Variants in USP6NL observed in about 807,000 individuals in gnomAD.
USP6NL encodes USP6 N-terminal-like protein.
In USP6NL, 26 loss-of-function variants were observed where a neutral mutation model predicts 61.9. That is an observed-to-expected ratio of 0.42 (90% CI 0.31 to 0.58). The LOEUF (loss-of-function observed/expected upper bound fraction) is 0.58. Among genes scored for constraint, USP6NL ranks in the 20% least tolerant of loss-of-function variants. The pLI is 0.16. For synonymous variants in USP6NL, 432 were observed against 390.1 expected (o/e 1.11, Z -1.27); for missense variants, 1,114 against 1,034.3 (o/e 1.08, Z -1.06).
rs556381221 is a variant in USP6NL, at chr10:11,491,496, A to G, written c.495-616T>C. Among the ~76,000 whole-genome samples, 4 of 152,340 alleles carry G rather than the reference A, an allele frequency of 2.6e-5. No individual in the cohort carries two copies. The highest frequency in any genetic ancestry group is 4.8e-5 in the African/African-American group (2 of 41,578). On this transcript the variant is annotated intron_variant, in intron 8 of 14. Transcript: ENST00000609104. The surrounding 1 kb of genome is among the most constrained non-coding windows in gnomAD (Gnocchi z 4.7). ...AGGAGGAATGCTTCCACCATGAGAC[A>G]TAACAGTGATTCCACTGACCTGGAA...
At position 11,493,274 on chromosome 10, in the gene USP6NL, T is replaced by C. The variant is rs938313135; in HGVS notation, c.385-46A>G. ...CAGAACAGATTTTTATGGAAATTAG[T>C]TGTTGAAAACTCTATGACAAATAAT... is the stretch of plus-strand genomic sequence containing the variant. On this transcript the variant is annotated intron_variant, in intron 7 of 14. Transcript: ENST00000609104. 1.3e-5 allele frequency: 19 copies of C among 1,499,844 alleles called. 1 individual carries two copies. In the Admixed American group the frequency reaches 3.6e-4, roughly 28 times the overall value. The allele number at this position is 1,499,844 out of a possible 1,614,324, so 92.9% of individuals were successfully genotyped here.
chr10:11,554,780 T>A (rs1836616377), intron 2 of USP6NL, among the ~76,000 whole-genome samples: 1 of 145,988 alleles, frequency 6.8e-6, no homozygotes, highest in African/African-American at 2.5e-5. Context: ...GAAACAGAGA[T>A]AGACCCACAA....
Position 11,534,527 on chromosome 10 carries a change from C to T in USP6NL, c.5-6960G>A, listed in dbSNP as rs374785685. On this transcript the variant is annotated intron_variant, in intron 2 of 14. Transcript: ENST00000609104. ...AGAAGAGAGTGGATTCTAGGCAACA[C>T]AAAGATCATGGGTATAGTAGTGATA... is the stretch of plus-strand genomic sequence containing the variant. Among the ~76,000 whole-genome samples, 116 of 152,156 alleles carry T rather than the reference C, an allele frequency of 7.6e-4. 1 individual carries two copies. The South Asian group carries it at 0.023, about 30-fold the overall frequency.
At chr10:11,545,035 C>G (rs982332748) in intron 2 of USP6NL, among the ~76,000 whole-genome samples, 3 of 152,156 alleles carry the variant, frequency 2.0e-5, no homozygotes, top group African/African-American at 7.2e-5. Flanking sequence ...TCTAGGTGAA[C>G]AGAAAGGACA....
intron 10 of USP6NL, among the ~76,000 whole-genome samples, chr10:11,486,670 A>C (rs1386882278): frequency 1.3e-5 from 2 of 152,238 alleles, no homozygotes; most frequent in African/African-American, 4.8e-5. Context: ...CAACTCTGAA[A>C]GATGTTAACA....
chr10:11,591,224 G>A lies in USP6NL; in HGVS notation c.4+6407C>T, dbSNP rs930821312. 2.6e-5 allele frequency among the ~76,000 whole-genome samples: 4 copies of A among 152,130 alleles called. No individual in the cohort carries two copies. Among genetic ancestry groups the A allele is most frequent in the African/African-American group, 4.8e-5 (2 of 41,422 alleles). ...ACTTACTGCTTTCAGAATGGAATTCGAAATAGTTCTCTTAAGAATGGAGAG... is the reference window on the plus strand; with the variant it reads ...ACTTACTGCTTTCAGAATGGAATTCAAAATAGTTCTCTTAAGAATGGAGAG... On this transcript the variant is annotated intron_variant, in intron 2 of 14. Transcript: ENST00000609104. The surrounding 1 kb of genome is among the most constrained non-coding windows in gnomAD (Gnocchi z 4.7).
Position 11,487,395 on chromosome 10 carries a change from T to A in USP6NL, c.665-1484A>T, listed in dbSNP as rs1833515248. ...ATGAGCCAAACTACATTCTAAGTAG[T>A]TAGGATAGTAGAATTAATATTGTTT... On this transcript the variant is annotated intron_variant, in intron 10 of 14. Transcript: ENST00000609104. This position sits in a 1 kb window ranked among gnomAD's most constrained non-coding sequence, Gnocchi z 4.2. Among the ~76,000 whole-genome samples the A allele has an allele frequency of 1.3e-5, 2 of 152,190 alleles. No homozygotes were observed. The highest frequency in any genetic ancestry group is 4.8e-5 in the African/African-American group (2 of 41,432).
chr10:11,461,162 T>G lies in USP6NL; in HGVS notation c.*1279A>C, dbSNP rs2133119439. ...CAATTAAACACGAAGTCATACTCTC[T>G]TGGAGTGCCTAAATCTTTGTCAGTG... On this transcript the variant is annotated 3_prime_UTR_variant, in exon 15 of 15. Transcript: ENST00000609104. The G allele has an allele frequency of 6.5e-6, 1 of 152,726 alleles. No individual in the cohort carries two copies. Among genetic ancestry groups the G allele is most frequent in the South Asian group, 2.1e-4 (1 of 4,830 alleles). The allele number at this position is 152,726 out of a possible 1,614,324, so 9.5% of individuals were successfully genotyped here. A position where few individuals can be genotyped will look rare whatever the true frequency, so the allele number is the denominator to read the frequency against.
chr10:11,540,161 T>C lies in USP6NL; in HGVS notation c.5-12594A>G, dbSNP rs1156976972. Among the ~76,000 whole-genome samples the C allele has an allele frequency of 5.3e-5, 8 of 152,378 alleles. No homozygotes were observed. Among genetic ancestry groups the C allele is most frequent in the Middle Eastern group, 3.4e-3 (1 of 294 alleles). ...TCTAACAGCTGTACTTTCTGGATTC[T>C]AGTAGCCCTCCAATCTCATTACATG... On this transcript the variant is annotated intron_variant, in intron 2 of 14. Coordinates refer to ENST00000609104, the MANE Select transcript of USP6NL (RefSeq NM_014688.5). This position sits in a 1 kb window ranked among gnomAD's most constrained non-coding sequence, Gnocchi z 5.0.
rs1466115898 is a variant in USP6NL at position 11,520,266 on chromosome 10, C to T, written c.156-1692G>A. On this transcript the variant is annotated intron_variant, in intron 4 of 14. Transcript: ENST00000609104. The surrounding 1 kb of genome is among the most constrained non-coding windows in gnomAD (Gnocchi z 5.2). ...GGTTACAAATAAAAAAGTCTTCAGA[C>T]CTCATAGATGGATGATAGAGTAAAT... 6.6e-6 allele frequency among the ~76,000 whole-genome samples: 1 copy of T among 152,182 alleles called. No homozygotes were observed. The highest frequency in any genetic ancestry group is 1.5e-5 in the Non-Finnish European group (1 of 68,038).
chr10:11,573,546 C>T (rs1837434987), intron 2 of USP6NL: 1 of 398,410 alleles, frequency 2.5e-6, no homozygotes, highest in Admixed American at 4.4e-5. Context: ...TCCTTGGGTC[C>T]ATACTTAGCA....
At chr10:11,533,610 A>G (rs1003458720) in intron 2 of USP6NL, among the ~76,000 whole-genome samples, 2 of 152,180 alleles carry the variant, frequency 1.3e-5, no homozygotes, top group African/African-American at 4.8e-5. Flanking sequence ...CAGCCTTTAG[A>G]GCAAGAAAAG....
intron 4 of USP6NL, among the ~76,000 whole-genome samples, chr10:11,519,203 T>C (rs573817089): frequency 1.3e-5 from 2 of 152,200 alleles, no homozygotes; most frequent in Non-Finnish European, 2.9e-5. Flanking sequence ...TGCCACCCTC[T>C]GCTTTAGACC....
In USP6NL at chr10:11,570,901, TCCA is replaced by T. The variant is rs530866402; in HGVS notation, c.4+26727_4+26729del. Among the ~76,000 whole-genome samples the T allele has an allele frequency of 1.9e-4, 29 of 152,274 alleles. No homozygotes were observed. In the East Asian group the frequency reaches 2.3e-3, roughly 12 times the overall value. ...TCACTCGCCCCATCCTTTTCCCTGG[TCCA>T]CCAGGTTACATTGTCTTAACTCTGC... On this transcript the variant is annotated intron_variant, in intron 2 of 14. Coordinates refer to ENST00000609104, the MANE Select transcript of USP6NL (RefSeq NM_014688.5).
intron 6 of USP6NL, among the ~76,000 whole-genome samples, chr10:11,504,141 A>C (rs979327379): frequency 6.6e-6 from 1 of 152,242 alleles, no homozygotes; most frequent in South Asian, 2.1e-4. Context: ...TTAAATTATA[A>C]GACCCTAAAA....
rs1836939268 is a variant in USP6NL, at chr10:11,561,744, A to G, written c.5-34177T>C. On this transcript the variant is annotated intron_variant, in intron 2 of 14. Transcript: ENST00000609104. The surrounding 1 kb of genome is among the most constrained non-coding windows in gnomAD (Gnocchi z 4.1). ...ATTTCTATAGAATACTGACTTGCAG[A>G]CTAGAATTAGTAGGCCAGATGAAAC... Among the ~76,000 whole-genome samples the G allele has an allele frequency of 6.6e-6, 1 of 152,236 alleles. No individual in the cohort carries two copies. The highest frequency in any genetic ancestry group is 1.5e-5 in the Non-Finnish European group (1 of 68,042).
intron 7 of USP6NL, among the ~76,000 whole-genome samples, chr10:11,493,858 C>CGGCCTG (rs1833804226): frequency 1.3e-5 from 2 of 152,010 alleles, no homozygotes; most frequent in South Asian, 2.1e-4. Flanking sequence ...CCTGCCTGTG[C>CGGCCTG]AGCCTGACCT....
In USP6NL at chr10:11,499,164, G is replaced by A. The variant is rs1253527989; in HGVS notation, c.384+1937C>T. On this transcript the variant is annotated intron_variant, in intron 7 of 14. Coordinates refer to ENST00000609104, the MANE Select transcript of USP6NL (RefSeq NM_014688.5). This position sits in a 1 kb window ranked among gnomAD's most constrained non-coding sequence, Gnocchi z 4.5. ...AGTCCTACTGAAGTTCCAGTTCGTGGAGGATGTGTGGAGAGAGAGAGAAAG... is the reference window on the plus strand; with the variant it reads ...AGTCCTACTGAAGTTCCAGTTCGTGAAGGATGTGTGGAGAGAGAGAGAAAG... 6.6e-6 allele frequency among the ~76,000 whole-genome samples: 1 copy of A among 152,146 alleles called. No individual in the cohort carries two copies. Among genetic ancestry groups the A allele is most frequent in the Admixed American group, 6.5e-5 (1 of 15,272 alleles).
intron 2 of USP6NL, among the ~76,000 whole-genome samples, chr10:11,555,415 TAAAAAA>T (rs558901276): frequency 1.1e-4 from 3 of 26,864 alleles, no homozygotes; most frequent in African/African-American, 4.6e-4. Flanking sequence ...AACTCGGTCT[TAAAAAA>T]AAAAAAAAAA....
Sources: allele counts gnomAD v4.1 joint callset (sites outside exome capture counted in the v4.1 genomes callset), GRCh38; gene constraint gnomAD v4.1.1; non-coding constraint Gnocchi (gnomAD v3.1); transcripts MANE v1.5; gene names NCBI Gene and HGNC (gene_info 2026-07-23, HGNC 2026-07-21).